The following GABRG2 variants were observed in gnomAD, a reference collection of about 807,000 sequenced individuals.
GABRG2 encodes gamma-aminobutyric acid receptor subunit gamma-2.
A neutral mutation model predicts 56.4 loss-of-function variants in GABRG2; 16 were observed. The observed-to-expected ratio is 0.28, with a 90% confidence interval of 0.19 to 0.43. GABRG2 has a LOEUF of 0.43. GABRG2 is among the 20% of genes least tolerant of loss of function. The pLI is 1.00. For missense variants in GABRG2, 327 were observed against 582.7 expected (o/e 0.56, Z 4.52); for synonymous variants, 208 against 205.5 (o/e 1.01, Z -0.10).
chr5:162,129,708 G>A (rs1293421877), intron 6 of GABRG2, among the ~76,000 whole-genome samples: 2 of 151,618 alleles, frequency 1.3e-5, no homozygotes, highest in Non-Finnish European at 2.9e-5. Context: ...AGAAATAACA[G>A]GTTTTTTCTA....
rs79699556 is a variant in GABRG2, at chr5:162,112,876, G to A, written c.769+8850G>A. Among the ~76,000 whole-genome samples, 474 of 152,094 alleles carry A rather than the reference G, an allele frequency of 3.1e-3. 4 individuals are homozygous for A. Among genetic ancestry groups the A allele is most frequent in the African/African-American group, 0.011 (443 of 41,524 alleles). The stretch of plus-strand genomic sequence containing the variant: ...ACAGAAACAGATAGTAAAACCCCAA[G>A]GAAAAAGGATTGACCAATATGTTAA... On this transcript the variant is annotated intron_variant, in intron 6 of 9. Coordinates refer to ENST00000639213, the MANE Select transcript of GABRG2 (RefSeq NM_198904.4).
intron 1 of GABRG2, among the ~76,000 whole-genome samples, chr5:162,075,224 A>G (rs1030529940): frequency 4.6e-5 from 7 of 152,204 alleles, no homozygotes; most frequent in African/African-American, 1.7e-4. Context: ...TTTTCTCAGT[A>G]TCGGGAAATT....
intron 6 of GABRG2, among the ~76,000 whole-genome samples, chr5:162,141,123 G>C (rs1477411668): frequency 6.6e-6 from 1 of 151,900 alleles, no homozygotes; most frequent in Non-Finnish European, 1.5e-5. Context: ...TGCAAGCTCC[G>C]CCTCCCGGGT....
At chr5:162,150,759 T>C (rs919160622) in intron 8 of GABRG2, 1 of 152,200 alleles carries the variant, frequency 6.6e-6, no homozygotes, top group African/African-American at 2.4e-5. Flanking sequence ...AAGAGTAATG[T>C]GTTTATTTGA....
chr5:162,132,115 A>G (rs1692421583), intron 6 of GABRG2, among the ~76,000 whole-genome samples: 1 of 151,666 alleles, frequency 6.6e-6, no homozygotes, highest in South Asian at 2.1e-4. Context: ...GAATTTTGTC[A>G]TCTCTATTTT....
At chr5:162,142,682 A>G (rs1000047317) in intron 7 of GABRG2, 4 of 342,638 alleles carry the variant, frequency 1.2e-5, no homozygotes, top group Non-Finnish European at 2.3e-5. Flanking sequence ...TCTCACTCAT[A>G]GGTGGGAATT....
In GABRG2 at chr5:162,153,392, G is replaced by A. The variant is rs1177163706; in HGVS notation, c.*24G>A. The A allele has an allele frequency of 3.7e-6, 6 of 1,612,500 alleles. No homozygotes were observed. In the South Asian group the frequency reaches 6.6e-5, roughly 18 times the overall value. ...GAGGAGGTATGGGTTTTACTGATAT[G>A]GTTCTTATTCACTGAGTCTCATGGA... On this transcript the variant is annotated 3_prime_UTR_variant, in exon 10 of 10. Coordinates refer to ENST00000639213, the MANE Select transcript of GABRG2 (RefSeq NM_198904.4).
chr5:162,074,032 G>A, intron 1 of GABRG2, among the ~76,000 whole-genome samples: 1 of 151,614 alleles, frequency 6.6e-6, no homozygotes, highest in Admixed American at 6.6e-5. Context: ...TGGTTGTTTA[G>A]AGATGTAAAA....
chr5:162,070,371 G>T (rs1431632930), intron 1 of GABRG2, among the ~76,000 whole-genome samples: 1 of 151,942 alleles, frequency 6.6e-6, no homozygotes, highest in Non-Finnish European at 1.5e-5. Flanking sequence ...TGTTGAGTAG[G>T]ACTGGAGGTA....
chr5:162,111,062 ATATAACC>A (rs1483617260), intron 6 of GABRG2, among the ~76,000 whole-genome samples: 1 of 152,104 alleles, frequency 6.6e-6, no homozygotes, highest in Non-Finnish European at 1.5e-5. Context: ...ATAATCCCTG[ATATAACC>A]AAGGTTACAC....
intron 1 of GABRG2, among the ~76,000 whole-genome samples, chr5:162,081,722 C>T (rs209348): frequency 0.49 from 73,924 of 151,664 alleles, 18,111 homozygotes; most frequent in African/African-American, 0.52. Flanking sequence ...ATGATATCAC[C>T]ACACATCTAT....
intron 1 of GABRG2, among the ~76,000 whole-genome samples, chr5:162,091,722 T>C (rs750588569): frequency 6.6e-6 from 1 of 152,170 alleles, no homozygotes; most frequent in Non-Finnish European, 1.5e-5. Context: ...GTATCCCTTA[T>C]CTTTTCACTT....
At chr5:162,091,062 C>A (rs551106436) in intron 1 of GABRG2, among the ~76,000 whole-genome samples, 1 of 152,146 alleles carries the variant, frequency 6.6e-6, no homozygotes, top group African/African-American at 2.4e-5. Flanking sequence ...GCATCAGCTC[C>A]TTTAATTTAG....
chr5:162,088,549 A>G (rs1196261315), intron 1 of GABRG2, among the ~76,000 whole-genome samples: 2 of 152,146 alleles, frequency 1.3e-5, no homozygotes, highest in Admixed American at 6.6e-5. Flanking sequence ...CCTGAATGTT[A>G]TTAACCTTGT....
chr5:162,088,717 A>T (rs769837983), intron 1 of GABRG2, among the ~76,000 whole-genome samples: 1 of 152,100 alleles, frequency 6.6e-6, no homozygotes, highest in Non-Finnish European at 1.5e-5. Flanking sequence ...CAAAGCCGTG[A>T]AGAATAATGG....
Position 162,068,581 on chromosome 5 carries a change from G to T in GABRG2, c.107+475G>T, listed in dbSNP as rs141700066. Among the ~76,000 whole-genome samples the T allele has an allele frequency of 2.9e-3, 438 of 152,070 alleles. 1 individual carries two copies. Among genetic ancestry groups the T allele is most frequent in the Middle Eastern group, 0.017 (5 of 290 alleles). On this transcript the variant is annotated intron_variant, in intron 1 of 9. Transcript: ENST00000639213. ...CCCTGTTCCTGTGTACTAAGGCATC[G>T]CATGCTTCTGCACCTGGCATTCTTA...
At chr5:162,111,223 C>T (rs1762230626) in intron 6 of GABRG2, among the ~76,000 whole-genome samples, 1 of 152,096 alleles carries the variant, frequency 6.6e-6, no homozygotes, top group Admixed American at 6.6e-5. Context: ...TTAGAGGAAG[C>T]AGTTTTCCCC....
At chr5:162,102,237 C>T (rs1761477802) in intron 5 of GABRG2, 1 of 217,672 alleles carries the variant, frequency 4.6e-6, no homozygotes, top group Non-Finnish European at 9.5e-6. Flanking sequence ...CATTATAAAA[C>T]TTATTTCATG....
At chr5:162,121,795 G>A (rs1287606892) in intron 6 of GABRG2, among the ~76,000 whole-genome samples, 1 of 152,022 alleles carries the variant, frequency 6.6e-6, no homozygotes, top group Admixed American at 6.6e-5. Context: ...AATGAATCTT[G>A]CAAATAGGGA....
Sources: allele counts gnomAD v4.1 joint callset (sites outside exome capture counted in the v4.1 genomes callset), GRCh38; gene constraint gnomAD v4.1.1; transcripts MANE v1.5; gene names NCBI Gene and HGNC (gene_info 2026-07-23, HGNC 2026-07-21).